MGAT5B: variants seen among roughly 807,000 people sequenced by gnomAD.
MGAT5B encodes the protein N-acetylglucosaminyl-transferase Vb.
A neutral mutation model predicts 95.1 loss-of-function variants in MGAT5B; 54 were observed. The ratio of observed to expected loss-of-function variants is 0.57; its 90% CI spans 0.46 to 0.71. The LOEUF (loss-of-function observed/expected upper bound fraction) is 0.71. Ranked by LOEUF, MGAT5B falls within the 30% of genes least tolerant of loss-of-function variation. The pLI is 0.00. For missense variants in MGAT5B, 935 were observed against 1,088.6 expected, an observed-to-expected ratio of 0.86 and a Z score of 1.99; for synonymous variants, 464 against 451.0, an observed-to-expected ratio of 1.03 and a Z score of -0.36.
intron 3 of MGAT5B, among the ~76,000 whole-genome samples, chr17:76,890,084 T>A (rs1967810350): frequency 6.6e-6 from 1 of 152,264 alleles, no homozygotes; most frequent in Admixed American, 6.5e-5. Flanking sequence ...TGCCATGGCC[T>A]GGGCCAGACT....
At chr17:76,894,866 A>G (rs1161100559) in intron 3 of MGAT5B, among the ~76,000 whole-genome samples, 4 of 151,408 alleles carry the variant, frequency 2.6e-5, no homozygotes, top group South Asian at 2.1e-4. Context: ...AAAAAAAAAG[A>G]AAAAAAGAAA....
chr17:76,913,987 G>T, intron 8 of MGAT5B: 1 of 349,460 alleles, frequency 2.9e-6, no homozygotes, highest in Non-Finnish European at 5.7e-6. Flanking sequence ...TGTGGTCCCA[G>T]CTACTCAGGC....
Position 76,940,647 on chromosome 17 carries a change from T to C in MGAT5B, c.1732-85T>C. The stretch of plus-strand genomic sequence containing the variant: ...GACTGAGATGTGGGGCAAAAGGAGA[T>C]AGGACAAGTGTATGGGGTACCTTTC... On this transcript the variant is annotated intron_variant, in intron 14 of 17. Coordinates refer to ENST00000569840, the MANE Select transcript of MGAT5B (RefSeq NM_001199172.2). This position sits in a 1 kb window ranked among gnomAD's most constrained non-coding sequence, Gnocchi z 4.3. 6.3e-7 allele frequency: 1 copy of C among 1,589,080 alleles called. No homozygotes were observed. The highest frequency in any genetic ancestry group is 1.7e-5 in the Admixed American group (1 of 59,060).
At chr17:76,882,685 C>T (rs1967473407) in intron 3 of MGAT5B, among the ~76,000 whole-genome samples, 1 of 150,334 alleles carries the variant, frequency 6.7e-6, no homozygotes, top group Non-Finnish European at 1.5e-5. Context: ...TGGCATCTCA[C>T]AGCACATATT....
chr17:76,892,662 C>T (rs771891495), intron 3 of MGAT5B, among the ~76,000 whole-genome samples: 2 of 152,246 alleles, frequency 1.3e-5, no homozygotes, highest in African/African-American at 2.4e-5. Flanking sequence ...GGCGCACGGG[C>T]GGGGCAGAGC....
At position 76,930,225 on chromosome 17, in the gene MGAT5B, G is replaced by A. The variant is rs932245262; in HGVS notation, c.1292-2420G>A. Reference sequence around the variant, plus strand: ...AATTTTCAGGCCCAAGAATCTGTGAGCTTTGGGGGCACTTACACAGGAAAG... The same window carrying A: ...AATTTTCAGGCCCAAGAATCTGTGAACTTTGGGGGCACTTACACAGGAAAG... On this transcript the variant is annotated intron_variant, in intron 10 of 17. Transcript: ENST00000569840. The surrounding 1 kb of genome is among the most constrained non-coding windows in gnomAD (Gnocchi z 4.1). Among the ~76,000 whole-genome samples the A allele has an allele frequency of 1.3e-5, 2 of 151,978 alleles. No individual in the cohort carries two copies. Among genetic ancestry groups the A allele is most frequent in the African/African-American group, 4.8e-5 (2 of 41,382 alleles).
chr17:76,902,643 C>T lies in MGAT5B; in HGVS notation c.418C>T (p.Arg140Cys), dbSNP rs746182316. The change falls in exon 4 of 18, where the codon CGC becomes TGC. Residue 140 changes from arginine (R) to cysteine (C), a missense_variant. Transcript: ENST00000569840. ...DIAVKVDQIL[R>C]HSLLLHSKVS... is the part of the protein sequence containing the mutation. The stretch of plus-strand genomic sequence containing the variant: ...CGCTGTGAAGGTGGACCAGATCCTG[C>T]GCCACAGTCTGCTCCTGCACAGCAA... The T allele has an allele frequency of 2.8e-5, 45 of 1,597,464 alleles. No individual in the cohort carries two copies. Among genetic ancestry groups the T allele is most frequent in the South Asian group, 4.5e-5 (4 of 88,156 alleles).
chr17:76,874,086 C>T (rs1040630460), intron 2 of MGAT5B, among the ~76,000 whole-genome samples: 8 of 152,178 alleles, frequency 5.3e-5, no homozygotes, highest in Admixed American at 1.3e-4. Flanking sequence ...AGGAATCTCA[C>T]GCTTATTAGT....
intron 2 of MGAT5B, among the ~76,000 whole-genome samples, chr17:76,873,828 G>T (rs2015766957): frequency 6.6e-6 from 1 of 152,208 alleles, no homozygotes; most frequent in African/African-American, 2.4e-5. Context: ...ACTGTTCGAG[G>T]GTTGGCTCTG....
In MGAT5B at chr17:76,869,738, CG is replaced by C. The variant is rs1966927466; in HGVS notation, c.68+643del. Among the ~76,000 whole-genome samples the C allele has an allele frequency of 6.6e-6, 1 of 152,198 alleles. No homozygotes were observed. Among genetic ancestry groups the C allele is most frequent in the Non-Finnish European group, 1.5e-5 (1 of 68,018 alleles). On this transcript the variant is annotated intron_variant, in intron 1 of 17. Coordinates refer to ENST00000569840, the MANE Select transcript of MGAT5B (RefSeq NM_001199172.2). This position sits in a 1 kb window ranked among gnomAD's most constrained non-coding sequence, Gnocchi z 7.0. ...GGGGCGGCGCTGCAGGGCTACGGGG[CG>C]GCTGGAGCCGAGGCTGCGGCGGAGC...
At position 76,932,628 on chromosome 17, in the gene MGAT5B, G is replaced by A. The variant is rs1373774628; in HGVS notation, c.1292-17G>A. 7.4e-6 allele frequency: 12 copies of A among 1,612,724 alleles called. No individual in the cohort carries two copies. Among genetic ancestry groups the A allele is most frequent in the Non-Finnish European group, 1.0e-5 (12 of 1,179,168 alleles). On this transcript the variant is annotated splice_polypyrimidine_tract_variant and intron_variant, in intron 10 of 17. Transcript: ENST00000569840. ...GTTGTTTGGTGACCCCATTCCTTCTGCGTGCTCGGGCTGCAGCTCATACCC... is the reference window on the plus strand; with the variant it reads ...GTTGTTTGGTGACCCCATTCCTTCTACGTGCTCGGGCTGCAGCTCATACCC...
intron 2 of MGAT5B, among the ~76,000 whole-genome samples, chr17:76,880,058 C>T (rs1346496175): frequency 6.6e-6 from 1 of 152,176 alleles, no homozygotes; most frequent in African/African-American, 2.4e-5. Context: ...CGTAGAGGGA[C>T]TTGTGGGGAG....
chr17:76,925,131 C>A (rs1435020520), intron 9 of MGAT5B, 34 bp downstream of exon 9: 3 of 1,609,026 alleles, frequency 1.9e-6, no homozygotes, highest in Non-Finnish European at 8.5e-7. Flanking sequence ...GCACGTGGCC[C>A]ACATGCCAGG....
At chr17:76,890,352 C>T (rs543188171) in intron 3 of MGAT5B, among the ~76,000 whole-genome samples, 3 of 152,194 alleles carry the variant, frequency 2.0e-5, no homozygotes, top group East Asian at 1.9e-4. Context: ...ATGTCCATTA[C>T]GAGTAGTGAT....
In MGAT5B at chr17:76,884,796, G is replaced by A. The variant is rs147387060; in HGVS notation, c.329+2498G>A. Among the ~76,000 whole-genome samples the A allele has an allele frequency of 1.2e-3, 181 of 152,230 alleles. 2 individuals carry two copies. The highest frequency in any genetic ancestry group is 4.1e-3 in the African/African-American group (169 of 41,530). ...TTTTTGTATCTTTAGTAGAGACGGG[G>A]TTTCACCATGTTGGCCAGGATGGTC... On this transcript the variant is annotated intron_variant, in intron 3 of 17. Coordinates refer to ENST00000569840, the MANE Select transcript of MGAT5B (RefSeq NM_001199172.2).
intron 2 of MGAT5B, among the ~76,000 whole-genome samples, chr17:76,874,216 G>A (rs558348191): frequency 3.9e-4 from 60 of 152,248 alleles, no homozygotes; most frequent in Non-Finnish European, 6.6e-4. Context: ...TCCCAGGCTC[G>A]TTGCGAGGCT....
intron 8 of MGAT5B, among the ~76,000 whole-genome samples, chr17:76,908,305 C>T (rs1277075005): frequency 5.0e-5 from 7 of 139,638 alleles, no homozygotes; most frequent in Non-Finnish European, 9.1e-5. Context: ...GATAGGGCCT[C>T]GCTCTGTTGC....
chr17:76,914,888 T>A lies in MGAT5B; in HGVS notation c.1025+8701T>A, dbSNP rs1437276086. The stretch of plus-strand genomic sequence containing the variant: ...CCTGACCTCAGGTGTTCCACCCACC[T>A]CGGCCTCCCAAAGTGCTGGGATTAC... On this transcript the variant is annotated intron_variant, in intron 8 of 17. Coordinates refer to ENST00000569840, the MANE Select transcript of MGAT5B (RefSeq NM_001199172.2). This position sits in a 1 kb window ranked among gnomAD's most constrained non-coding sequence, Gnocchi z 5.1. Among the ~76,000 whole-genome samples, 3 of 152,180 alleles carry A rather than the reference T, an allele frequency of 2.0e-5. No homozygotes were observed. Among genetic ancestry groups the A allele is most frequent in the African/African-American group, 7.2e-5 (3 of 41,448 alleles).
chr17:76,897,702 TTTC>T (rs1429395184), intron 3 of MGAT5B, among the ~76,000 whole-genome samples: 2 of 114,514 alleles, frequency 1.7e-5, no homozygotes, highest in African/African-American at 9.0e-5. Context: ...TCTTTCTTTC[TTTC>T]TTTCTTTCTT....
Sources: gnomAD v4.1 joint callset for allele counts (sites outside exome capture counted in the v4.1 genomes callset) on GRCh38, gnomAD v4.1.1 for gene constraint, Gnocchi (gnomAD v3.1) non-coding constraint, MANE v1.5 for transcripts, NCBI Gene and HGNC (gene_info 2026-07-23, HGNC 2026-07-21) for gene names.